The following ARHGAP24 variants were observed in gnomAD, a reference collection of about 807,000 sequenced individuals.
ARHGAP24 encodes the protein Rho GTPase activating protein 24, also known as rho GTPase-activating protein 24.
Under a neutral mutation model 76.4 loss-of-function variants are expected in ARHGAP24, and 50 were observed. The observed-to-expected ratio is 0.65, with a 90% CI of 0.52 to 0.83. ARHGAP24 has a LOEUF of 0.83. ARHGAP24 is among the 40% of genes least tolerant of loss of function. ARHGAP24 has a pLI of 0.00. For missense variants in ARHGAP24, 930 were observed against 914.2 expected (o/e 1.02, Z -0.22); for synonymous variants, 345 against 323.3 (o/e 1.07, Z -0.72).
At chr4:85,551,592 A>G (rs954184292) in intron 1 of ARHGAP24, among the ~76,000 whole-genome samples, 5 of 152,284 alleles carry the variant, frequency 3.3e-5, no homozygotes, top group African/African-American at 9.6e-5. Context: ...AATTTTTGGA[A>G]TAGTTTCAAT....
chr4:85,964,892 C>T (rs77771062), intron 5 of ARHGAP24, among the ~76,000 whole-genome samples: 1,911 of 151,866 alleles, frequency 0.013, 33 homozygotes, highest in African/African-American at 0.043. Flanking sequence ...CACATGCATG[C>T]GCTTGCACAT....
chr4:85,527,189 C>G (rs1392392123), intron 1 of ARHGAP24, among the ~76,000 whole-genome samples: 1 of 152,110 alleles, frequency 6.6e-6, no homozygotes, highest in African/African-American at 2.4e-5. Context: ...TTTTCTGAGG[C>G]TGTATCTCAT....
At chr4:85,978,535 G>A (rs1167352769) in intron 8 of ARHGAP24, among the ~76,000 whole-genome samples, 1 of 152,124 alleles carries the variant, frequency 6.6e-6, no homozygotes, top group Non-Finnish European at 1.5e-5. Context: ...TTGAACATCA[G>A]ATTTTTGGCA....
chr4:85,657,168 A>AT (rs1225215209), intron 2 of ARHGAP24, among the ~76,000 whole-genome samples: 3 of 144,508 alleles, frequency 2.1e-5, no homozygotes, highest in African/African-American at 7.6e-5. Context: ...GCCTTATTTT[A>AT]TTTTTTCTGG....
intron 2 of ARHGAP24, among the ~76,000 whole-genome samples, chr4:85,698,297 G>A (rs1251154463): frequency 1.3e-5 from 2 of 152,182 alleles, no homozygotes; most frequent in Non-Finnish European, 2.9e-5. Context: ...GTGACTGTCT[G>A]CCTGGGGAGG....
chr4:85,627,682 C>T lies in ARHGAP24; in HGVS notation c.180+56961C>T, dbSNP rs7665825. Among the ~76,000 whole-genome samples, 58 of 152,338 alleles carry T rather than the reference C, an allele frequency of 3.8e-4. No homozygotes were observed. In the East Asian group the frequency reaches 4.3e-3, roughly 11 times the overall value. ...TGCCCCCAGAAGTGGAGCCTACAGA[C>T]GCAGGCAGGCCTCCTTGAGCTGTGG... is the stretch of plus-strand genomic sequence containing the variant. On this transcript the variant is annotated intron_variant, in intron 2 of 9. Coordinates refer to ENST00000395184, the MANE Select transcript of ARHGAP24 (RefSeq NM_001025616.3).
chr4:85,485,718 C>T (rs1420829776), intron 1 of ARHGAP24, among the ~76,000 whole-genome samples: 2 of 150,230 alleles, frequency 1.3e-5, no homozygotes, highest in South Asian at 2.1e-4. Flanking sequence ...TGCCAAATGG[C>T]AGTGTGCTCC....
At chr4:85,616,691 G>C (rs367643759) in intron 2 of ARHGAP24, among the ~76,000 whole-genome samples, 1 of 152,094 alleles carries the variant, frequency 6.6e-6, no homozygotes, top group African/African-American at 2.4e-5. Context: ...GCAGTGGCAC[G>C]ATCTCAGCTC....
intron 5 of ARHGAP24, among the ~76,000 whole-genome samples, chr4:85,965,920 G>C (rs1212991774): frequency 3.3e-5 from 5 of 152,092 alleles, no homozygotes; most frequent in Admixed American, 3.3e-4. Context: ...TTATAGACAA[G>C]CTCACCAAAA....
At chr4:85,961,454 T>C (rs1738243190) in intron 5 of ARHGAP24, among the ~76,000 whole-genome samples, 1 of 152,036 alleles carries the variant, frequency 6.6e-6, no homozygotes, top group South Asian at 2.1e-4. Flanking sequence ...ACTCATTTCT[T>C]GCATGAAGCA....
At chr4:85,718,174 C>T (rs1724802071) in intron 2 of ARHGAP24, among the ~76,000 whole-genome samples, 1 of 151,976 alleles carries the variant, frequency 6.6e-6, no homozygotes, top group South Asian at 2.1e-4. Flanking sequence ...ATAAAATGTT[C>T]CTTATAAGAC....
At chr4:85,693,969 C>A (rs1723772808) in intron 2 of ARHGAP24, among the ~76,000 whole-genome samples, 1 of 152,132 alleles carries the variant, frequency 6.6e-6, no homozygotes, top group Non-Finnish European at 1.5e-5. Context: ...TCCCAGAGGA[C>A]CATGGTGAGA....
chr4:85,610,811 C>A (rs1720357369), intron 2 of ARHGAP24, among the ~76,000 whole-genome samples: 1 of 152,130 alleles, frequency 6.6e-6, no homozygotes, highest in Non-Finnish European at 1.5e-5. Flanking sequence ...AGTAGTGCCT[C>A]AATTTTGGTG....
At chr4:85,523,485 A>G (rs1724868091) in intron 1 of ARHGAP24, among the ~76,000 whole-genome samples, 1 of 152,218 alleles carries the variant, frequency 6.6e-6, no homozygotes, top group Admixed American at 6.5e-5. Context: ...GAGAAGTGAA[A>G]CATAAGCACT....
intron 3 of ARHGAP24, among the ~76,000 whole-genome samples, chr4:85,812,843 A>G (rs1233884791): frequency 6.6e-6 from 1 of 152,200 alleles, no homozygotes; most frequent in Non-Finnish European, 1.5e-5. Flanking sequence ...AAGGAACTGA[A>G]TCATCTGGCC....
chr4:85,869,681 A>G (rs1241918287), intron 3 of ARHGAP24, among the ~76,000 whole-genome samples: 1 of 152,134 alleles, frequency 6.6e-6, no homozygotes, highest in Admixed American at 6.6e-5. Flanking sequence ...AAATTTCCTG[A>G]ATCATTTTGT....
At chr4:85,504,044 T>A (rs1183773090) in intron 1 of ARHGAP24, among the ~76,000 whole-genome samples, 1 of 152,252 alleles carries the variant, frequency 6.6e-6, no homozygotes, top group African/African-American at 2.4e-5. Context: ...AGTTTCTTAA[T>A]CTGGAGTTCT....
At chr4:85,935,863 C>T (rs1435756322) in intron 4 of ARHGAP24, among the ~76,000 whole-genome samples, 1 of 152,192 alleles carries the variant, frequency 6.6e-6, no homozygotes, top group African/African-American at 2.4e-5. Context: ...ATTCTCCTTC[C>T]TTCCCCCCTC....
intron 2 of ARHGAP24, among the ~76,000 whole-genome samples, chr4:85,640,493 A>G (rs920559491): frequency 5.9e-5 from 9 of 152,196 alleles, no homozygotes; most frequent in Admixed American, 2.0e-4. Context: ...CCATAGCTAA[A>G]TAATACCTAC....
Sources: gnomAD v4.1 joint callset for allele counts (sites outside exome capture counted in the v4.1 genomes callset) on GRCh38, gnomAD v4.1.1 for gene constraint, MANE v1.5 for transcripts, NCBI Gene and HGNC (gene_info 2026-07-23, HGNC 2026-07-21) for gene names.